ECE1: variants seen among roughly 807,000 people sequenced by gnomAD.
ECE1 encodes endothelin-converting enzyme 1.
A neutral mutation model predicts 98.6 loss-of-function variants in ECE1; 35 were observed. The observed-to-expected ratio is 0.35, with a 90% confidence interval of 0.27 to 0.47. The LOEUF (loss-of-function observed/expected upper bound fraction) is 0.47. Ranked by LOEUF, ECE1 falls within the 20% of genes least tolerant of loss-of-function variation. The pLI is 1.00. For synonymous variants in ECE1, 394 were observed against 407.1 expected (o/e 0.97, Z 0.39); for missense variants, 814 against 1,025.3 (o/e 0.79, Z 2.81).
chr1:21,249,020 A>G (rs1405482925), intron 8 of ECE1, among the ~76,000 whole-genome samples: 1 of 151,776 alleles, frequency 6.6e-6, no homozygotes, highest in Admixed American at 6.6e-5. Flanking sequence ...ATGCTGAGGT[A>G]CTCCTCAAGT....
chr1:21,317,509 C>G (rs1638855085), intron 1 of ECE1, among the ~76,000 whole-genome samples: 1 of 152,232 alleles, frequency 6.6e-6, no homozygotes, highest in Non-Finnish European at 1.5e-5. Flanking sequence ...ATCTGCAGCT[C>G]TGGGGATTGA....
intron 3 of ECE1, among the ~76,000 whole-genome samples, chr1:21,274,067 C>T (rs1475293555): frequency 6.6e-6 from 1 of 152,216 alleles, no homozygotes; most frequent in African/African-American, 2.4e-5. Context: ...TGAACGTGGC[C>T]GTGTACTGGG....
intron 1 of ECE1, among the ~76,000 whole-genome samples, chr1:21,321,684 C>T (rs930029401): frequency 2.6e-5 from 4 of 152,186 alleles, no homozygotes; most frequent in African/African-American, 7.2e-5. Context: ...GGCGCAATCT[C>T]GGCTCACTGC....
At chr1:21,221,362 G>C (rs558353737) in intron 18 of ECE1, among the ~76,000 whole-genome samples, 2 of 152,248 alleles carry the variant, frequency 1.3e-5, no homozygotes, top group South Asian at 2.1e-4. Context: ...CATAGAGACA[G>C]GGTTTCACTA....
At chr1:21,227,796 C>G (rs953313945) in intron 15 of ECE1, 135 bp downstream of exon 15, 1 of 686,414 alleles carries the variant, frequency 1.5e-6, no homozygotes, top group Non-Finnish European at 2.5e-6. Context: ...ATGTTGCTTC[C>G]TCTGCAACAT....
Position 21,247,179 on chromosome 1 carries a change from G to C in ECE1, c.1163+42C>G, listed in dbSNP as rs1209790994. The C allele has an allele frequency of 2.5e-6, 4 of 1,613,676 alleles. No homozygotes were observed. In the South Asian group the frequency reaches 3.3e-5, roughly 13 times the overall value. On this transcript the variant is annotated intron_variant, in intron 9 of 18. Coordinates refer to ENST00000374893, the MANE Select transcript of ECE1 (RefSeq NM_001397.3). Reference sequence around the variant, plus strand: ...TGCCCACCTGCCCAAGAAGAGGGCTGTCTGTGAGAGGCGTGCCCCAGGCCA... The same window carrying C: ...TGCCCACCTGCCCAAGAAGAGGGCTCTCTGTGAGAGGCGTGCCCCAGGCCA...
In ECE1 at chr1:21,327,082, C is replaced by T. The variant is rs1639095760; in HGVS notation, c.3+18294G>A. On this transcript the variant is annotated intron_variant, in intron 1 of 18. Coordinates refer to the ECE1 transcript ENST00000415912. The surrounding 1 kb of genome is among the most constrained non-coding windows in gnomAD (Gnocchi z 4.6). ...AAGAATTTGGAGGTCACAGCACTGC[C>T]CTCCCTGTAGATGCTTCAAAGCACC... is the stretch of plus-strand genomic sequence containing the variant. Among the ~76,000 whole-genome samples the T allele has an allele frequency of 6.6e-6, 1 of 152,190 alleles. No homozygotes were observed.
chr1:21,253,617 G>A (rs1483896014), intron 8 of ECE1, among the ~76,000 whole-genome samples: 4 of 151,576 alleles, frequency 2.6e-5, no homozygotes, highest in African/African-American at 7.3e-5. Flanking sequence ...AAAAAAATTA[G>A]CCGGGCGTGG....
chr1:21,285,550 C>G (rs772927409), intron 2 of ECE1, among the ~76,000 whole-genome samples: 4 of 152,080 alleles, frequency 2.6e-5, no homozygotes, highest in Non-Finnish European at 4.4e-5. Flanking sequence ...TTTGGCCAGG[C>G]ATGACGGCTC....
In ECE1 at chr1:21,308,826, C is replaced by T. The variant is rs1569724771; in HGVS notation, c.4-18670G>A. On this transcript the variant is annotated intron_variant, in intron 1 of 18. Coordinates refer to the ECE1 transcript ENST00000415912. ...TGATGCCGTGTCTCAGAGCCCCCTC[C>T]CCTTCCTGCCTGCCCAGGGTTTCCC... 6.6e-5 allele frequency among the ~76,000 whole-genome samples: 10 copies of T among 152,290 alleles called. No individual in the cohort carries two copies. In the South Asian group the frequency reaches 1.9e-3, roughly 28 times the overall value.
At chr1:21,330,564 C>A (rs144922438) in intron 1 of ECE1, among the ~76,000 whole-genome samples, 1 of 152,028 alleles carries the variant, frequency 6.6e-6, no homozygotes, top group Non-Finnish European at 1.5e-5. Flanking sequence ...AATTTACCTG[C>A]TAATTTATCT....
chr1:21,325,680 G>A (rs1282979446), intron 1 of ECE1, among the ~76,000 whole-genome samples: 1 of 152,250 alleles, frequency 6.6e-6, no homozygotes, highest in African/African-American at 2.4e-5. Flanking sequence ...CCACTTCCTT[G>A]GAGCTGACTG....
chr1:21,274,720 T>TCCTTCA (rs2098244457), intron 3 of ECE1, among the ~76,000 whole-genome samples: 1 of 152,162 alleles, frequency 6.6e-6, no homozygotes, highest in Non-Finnish European at 1.5e-5. Flanking sequence ...TTCAGATGGG[T>TCCTTCA]GGCTGACAAA....
At position 21,225,509 on chromosome 1, in the gene ECE1, G is replaced by A; in HGVS notation, c.1850-69C>T. On this transcript the variant is annotated intron_variant, in intron 16 of 18. Coordinates refer to ENST00000374893, the MANE Select transcript of ECE1 (RefSeq NM_001397.3). This position sits in a 1 kb window ranked among gnomAD's most constrained non-coding sequence, Gnocchi z 5.3. ...CAGCAGGGACCTGCTGCTCCTCCCT[G>A]CTCCTGGTGAGAAGCGGTTCATCCG... is the stretch of plus-strand genomic sequence containing the variant. The A allele has an allele frequency of 5.1e-6, 8 of 1,553,936 alleles. No individual in the cohort carries two copies. The highest frequency in any genetic ancestry group is 7.0e-6 in the Non-Finnish European group (8 of 1,142,208).
chr1:21,245,158 G>A (rs2098201699), intron 9 of ECE1, 55 bp from the exon 10 acceptor site: 9 of 1,517,912 alleles, frequency 5.9e-6, no homozygotes, highest in South Asian at 4.6e-5. Context: ...GGAGGATTGC[G>A]GCCCTTCCCC....
At chr1:21,265,566 C>G (rs947622321) in intron 4 of ECE1, among the ~76,000 whole-genome samples, 1 of 152,090 alleles carries the variant, frequency 6.6e-6, no homozygotes, top group Non-Finnish European at 1.5e-5. Flanking sequence ...CAGGCACAGA[C>G]CTTTTTCTGA....
chr1:21,262,306 C>T (rs953113777), intron 4 of ECE1, among the ~76,000 whole-genome samples: 4 of 152,164 alleles, frequency 2.6e-5, no homozygotes, highest in African/African-American at 7.2e-5. Flanking sequence ...CCAGGCACCA[C>T]GGCAGCTCTG....
At chr1:21,308,069 A>G (rs1638637617) in intron 1 of ECE1, among the ~76,000 whole-genome samples, 1 of 152,138 alleles carries the variant, frequency 6.6e-6, no homozygotes, top group Non-Finnish European at 1.5e-5. Context: ...ACCCACATGG[A>G]AAGCAGCTGC....
At chr1:21,240,614 C>A (rs551506186) in intron 10 of ECE1, among the ~76,000 whole-genome samples, 2 of 152,348 alleles carry the variant, frequency 1.3e-5, no homozygotes, top group African/African-American at 4.8e-5. Flanking sequence ...GGCCACTCTT[C>A]TTCTTACCCA....
Sources: gnomAD v4.1 joint callset for allele counts (sites outside exome capture counted in the v4.1 genomes callset) on GRCh38, gnomAD v4.1.1 for gene constraint, Gnocchi (gnomAD v3.1) non-coding constraint, MANE v1.5 for transcripts, NCBI Gene and HGNC (gene_info 2026-07-23, HGNC 2026-07-21) for gene names.